The following CAPN2 variants were observed in gnomAD, a reference collection of about 807,000 sequenced individuals.
The protein encoded by CAPN2 is calpain-2 catalytic subunit.
In CAPN2, 92 loss-of-function variants were observed where a neutral mutation model predicts 102.3. The observed-to-expected ratio is 0.90, with a 90% CI of 0.76 to 1.07. The LOEUF (loss-of-function observed/expected upper bound fraction) is 1.07. Ranked by LOEUF, CAPN2 falls within the 50% of genes least tolerant of loss-of-function variation. CAPN2 has a pLI of 0.00. For missense variants in CAPN2, 800 were observed against 909.4 expected (o/e 0.88, Z 1.55); for synonymous variants, 340 against 355.4 (o/e 0.96, Z 0.49).
rs1153957 is a variant in CAPN2 at position 223,756,471 on chromosome 1, T to C, written c.1305+822T>C. 0.26 allele frequency among the ~76,000 whole-genome samples: 39,660 copies of C among 152,134 alleles called. 8,550 individuals are homozygous for C. Among genetic ancestry groups the C allele is most frequent in the African/African-American group, 0.6 (24,701 of 41,460 alleles). On this transcript the variant is annotated intron_variant, in intron 10 of 20. Transcript: ENST00000295006. The surrounding 1 kb of genome is among the most constrained non-coding windows in gnomAD (Gnocchi z 4.1). ...CTCTGACCCATGTCTGCTGAGGTCC[T>C]TCAGCAGCCTGAAAAATGGCCCTGG... is the stretch of plus-strand genomic sequence containing the variant.
intron 2 of CAPN2, among the ~76,000 whole-genome samples, chr1:223,728,561 A>G (rs900789154): frequency 2.0e-5 from 3 of 152,324 alleles, no homozygotes; most frequent in African/African-American, 7.2e-5. Context: ...CCACTTCTAG[A>G]TGGAGAGTGG....
intron 14 of CAPN2, 49 bp from the exon 15 acceptor site, chr1:223,764,101 C>T: frequency 1.3e-6 from 2 of 1,492,504 alleles, no homozygotes; most frequent in Middle Eastern, 1.7e-4. Flanking sequence ...CTGTGCTCAT[C>T]CAGCTCCCAC....
rs1025595344 is a variant in CAPN2 at position 223,754,719 on chromosome 1, G to A, written c.1136-761G>A. On this transcript the variant is annotated intron_variant, in intron 9 of 20. Coordinates refer to ENST00000295006, the MANE Select transcript of CAPN2 (RefSeq NM_001748.5). This position sits in a 1 kb window ranked among gnomAD's most constrained non-coding sequence, Gnocchi z 4.7. ...AAAGAGGGCAGAGACATCAGGAGCA[G>A]GGCAAGGGAATAGGCCTGAGAGGAC... 2.0e-5 allele frequency among the ~76,000 whole-genome samples: 3 copies of A among 152,214 alleles called. No individual in the cohort carries two copies. Among genetic ancestry groups the A allele is most frequent in the Non-Finnish European group, 2.9e-5 (2 of 68,042 alleles).
At chr1:223,708,070 G>C (rs1278622744), upstream of CAPN2, among the ~76,000 whole-genome samples, 2 of 152,208 alleles carry the variant, frequency 1.3e-5, no homozygotes, top group African/African-American at 4.8e-5. Context: ...GCTTTCCTCT[G>C]TTTTCAATTG....
intron 8 of CAPN2, among the ~76,000 whole-genome samples, chr1:223,752,296 A>G (rs1333379283): frequency 6.6e-6 from 1 of 152,230 alleles, no homozygotes; most frequent in Non-Finnish European, 1.5e-5. Flanking sequence ...TAAGCTGAGC[A>G]GCTTCAGAAA....
rs758870467 is a variant in CAPN2 at position 223,769,848 on chromosome 1, G to A, written c.1763G>A (p.Gly588Glu). The change falls in exon 17 of 21, where the codon GGG becomes GAG. Residue 588 changes from glycine to glutamate, a missense_variant. Gly to Glu is a moderately conservative substitution (Grantham distance 98). Transcript: ENST00000295006. ...KIMVDMLDSD[G>E]SGKLGLKEFY... is the part of the protein sequence containing the mutation. ...TTCCTTGACTGAAGGCAGTCGGACGGGAGTGGCAAGCTGGGGCTGAAGGAG... is the reference window on the plus strand; with the variant it reads ...TTCCTTGACTGAAGGCAGTCGGACGAGAGTGGCAAGCTGGGGCTGAAGGAG... 10 of 1,608,650 alleles carry A rather than the reference G, an allele frequency of 6.2e-6. No individual in the cohort carries two copies. The highest frequency in any genetic ancestry group is 5.0e-5 in the Admixed American group (3 of 59,508).
intron 16 of CAPN2, among the ~76,000 whole-genome samples, chr1:223,767,015 C>A (rs1047250985): frequency 6.6e-6 from 1 of 151,252 alleles, no homozygotes; most frequent in Non-Finnish European, 1.5e-5. Context: ...GGGGCTGGTG[C>A]GGGAAATTCC....
intron 5 of CAPN2, among the ~76,000 whole-genome samples, chr1:223,748,275 C>G (rs1300270035): frequency 2.0e-5 from 3 of 152,216 alleles, no homozygotes; most frequent in African/African-American, 7.2e-5. Context: ...GAGCCCTGTC[C>G]CATCCAGGTT....
rs67813439 is a variant in CAPN2 at position 223,741,436 on chromosome 1, A to ATGTG, written c.308-2662_308-2659dup. On this transcript the variant is annotated intron_variant, in intron 2 of 20. Transcript: ENST00000295006. ...GCTGTAAAATGTATATATATATATA[A>ATGTG]TGTGTATATATATATATATATATAT... Among the ~76,000 whole-genome samples the ATGTG allele has an allele frequency of 3.1e-4, 38 of 124,230 alleles. 1 individual carries two copies. Among genetic ancestry groups the ATGTG allele is most frequent in the Middle Eastern group, 3.8e-3 (1 of 262 alleles). The allele number at this position is 124,230 out of a possible 152,430, so 81.5% of individuals were successfully genotyped here.
At chr1:223,712,107 C>T (rs28370005), upstream of CAPN2, among the ~76,000 whole-genome samples, 9 of 152,174 alleles carry the variant, frequency 5.9e-5, 1 homozygote, top group Admixed American at 5.2e-4. Context: ...TCTTCAGAGT[C>T]GCTGGGAGGA....
intron 2 of CAPN2, among the ~76,000 whole-genome samples, chr1:223,732,627 G>A (rs571648527): frequency 2.6e-5 from 4 of 152,194 alleles, no homozygotes; most frequent in East Asian, 1.9e-4. Flanking sequence ...ATCTTGTGCC[G>A]ACTTCCTATC....
intron 20 of CAPN2, among the ~76,000 whole-genome samples, chr1:223,773,454 G>T (rs1279027386): frequency 6.6e-6 from 1 of 152,094 alleles, no homozygotes; most frequent in African/African-American, 2.4e-5. Context: ...AGCACTTTGG[G>T]AGGCCAAGGC....
chr1:223,711,799 T>A (rs1484716502), upstream of CAPN2, among the ~76,000 whole-genome samples: 3 of 152,206 alleles, frequency 2.0e-5, no homozygotes, highest in Non-Finnish European at 4.4e-5. Flanking sequence ...TTTCACCATG[T>A]TGACCAGGCT....
chr1:223,761,854 C>A (rs1661193951), intron 13 of CAPN2: 1 of 524,366 alleles, frequency 1.9e-6, no homozygotes, highest in African/African-American at 1.9e-5. Flanking sequence ...CCATCCACAA[C>A]ATTCCAGCTA....
intron 16 of CAPN2, 78 bp from the exon 17 acceptor site, chr1:223,769,763 A>G (rs947670398): frequency 2.1e-5 from 22 of 1,047,726 alleles, no homozygotes; most frequent in Non-Finnish European, 3.1e-5. Flanking sequence ...TATTCAAAAG[A>G]TCCAGTTGAG....
At chr1:223,742,050 G>A (rs770199453) in intron 2 of CAPN2, among the ~76,000 whole-genome samples, 1 of 152,152 alleles carries the variant, frequency 6.6e-6, no homozygotes, top group Non-Finnish European at 1.5e-5. Flanking sequence ...GGACAAGCTA[G>A]GTCAGGAACT....
rs1661589898 is a variant in CAPN2, at chr1:223,775,301, T to C, written c.*444T>C. ...AAGTTTAAAATGCAGCTGTTGATTC[T>C]ACCAAACAACAGTCCAAGATTACCA... On this transcript the variant is annotated 3_prime_UTR_variant, in exon 21 of 21. Transcript: ENST00000295006. 6.0e-6 allele frequency: 1 copy of C among 167,886 alleles called. No homozygotes were observed. Among genetic ancestry groups the C allele is most frequent in the African/African-American group, 2.4e-5 (1 of 41,632 alleles). 10.4% of individuals were successfully genotyped at this position (167,886 alleles called of 1,614,324 possible). A position where few individuals can be genotyped will look rare whatever the true frequency, so the allele number is the denominator to read the frequency against.
Position 223,769,904 on chromosome 1 carries a change from T to C in CAPN2, c.1819T>C (p.Tyr607His). 1 of 1,599,312 alleles carries C rather than the reference T, an allele frequency of 6.3e-7. No homozygotes were observed. The highest frequency in any genetic ancestry group is 8.5e-7 in the Non-Finnish European group (1 of 1,172,378). The change falls in exon 17 of 21, where the codon TAC (tyrosine) becomes CAC (histidine). Residue 607 changes from tyrosine (Y) to histidine (H), a missense_variant. Transcript: ENST00000295006. ...FYILWTKIQK[Y>H]QKIYREIDVD... ...CATTCTCTGGACGAAGATTCAAAAATACCAAGTAAGATCCCAGAGATGCGG... is the reference window on the plus strand; with the variant it reads ...CATTCTCTGGACGAAGATTCAAAAACACCAAGTAAGATCCCAGAGATGCGG...
chr1:223,724,039 G>A (rs549026155), intron 2 of CAPN2, among the ~76,000 whole-genome samples: 21 of 151,824 alleles, frequency 1.4e-4, no homozygotes, highest in African/African-American at 3.9e-4. Flanking sequence ...CCCCTATACG[G>A]CCATAGTTGT....
Sources: allele counts gnomAD v4.1 joint callset (sites outside exome capture counted in the v4.1 genomes callset), GRCh38; gene constraint gnomAD v4.1.1; non-coding constraint Gnocchi (gnomAD v3.1); transcripts MANE v1.5; gene names NCBI Gene and HGNC (gene_info 2026-07-23, HGNC 2026-07-21).